The following WDHD1 variants were observed in gnomAD, a reference collection of about 807,000 sequenced individuals.
WDHD1 encodes the protein WD repeat and HMG-box DNA-binding protein 1.
WDHD1 carries 111 observed loss-of-function variants against 135.4 expected under a neutral mutation model. The observed-to-expected ratio is 0.82, with a 90% confidence interval of 0.70 to 0.96. WDHD1 has a LOEUF of 0.96. WDHD1 is among the 40% of genes least tolerant of loss of function. WDHD1 has a pLI of 0.00. For synonymous variants in WDHD1, 434 were observed against 439.0 expected, an observed-to-expected ratio of 0.99 and a Z score of 0.14; for missense variants, 1,351 against 1,336.3, an observed-to-expected ratio of 1.01 and a Z score of -0.17.
intron 2 of WDHD1, among the ~76,000 whole-genome samples, chr14:55,023,896 G>T (rs191963600): frequency 7.9e-5 from 12 of 152,250 alleles, no homozygotes; most frequent in Admixed American, 2.0e-4. Context: ...GGATGGTCTG[G>T]AAATGTTTGA....
At position 55,020,849 on chromosome 14, in the gene WDHD1, G is replaced by C. The variant is rs140881679; in HGVS notation, c.77+5862C>G. On this transcript the variant is annotated intron_variant, in intron 2 of 25. Coordinates refer to ENST00000360586, the MANE Select transcript of WDHD1 (RefSeq NM_007086.4). The stretch of plus-strand genomic sequence containing the variant: ...ATATTTTGTCTATGTATTATATACT[G>C]TATCTGTACAATACAGCAATATAGA... Among the ~76,000 whole-genome samples, 18 of 152,196 alleles carry C rather than the reference G, an allele frequency of 1.2e-4. No individual in the cohort carries two copies. In the East Asian group the frequency reaches 3.3e-3, roughly 28 times the overall value.
In WDHD1 at chr14:54,939,960, T is replaced by C. The variant is rs559403395; in HGVS notation, c.*1530A>G. ...ACATGTCTACAAACATGCTTTCCAA[T>C]GTACTATAAATAAACCTTTACTTAA... is the stretch of plus-strand genomic sequence containing the variant. On this transcript the variant is annotated 3_prime_UTR_variant, in exon 26 of 26. Transcript: ENST00000360586. 1.3e-5 allele frequency: 2 copies of C among 152,338 alleles called. No individual in the cohort carries two copies. The highest frequency in any genetic ancestry group is 4.8e-5 in the African/African-American group (2 of 41,586). The allele number at this position is 152,338 out of a possible 1,614,324, so 9.4% of individuals were successfully genotyped here.
At chr14:54,994,760 C>CA (rs371199804) in intron 11 of WDHD1, among the ~76,000 whole-genome samples, 17,535 of 110,444 alleles carry the variant, frequency 0.16, 1,142 homozygotes, top group African/African-American at 0.2. Flanking sequence ...GACTCCGCCT[C>CA]AAAAAAAAAA....
chr14:54,952,275 A>C (rs924666053), intron 24 of WDHD1, among the ~76,000 whole-genome samples: 1 of 152,234 alleles, frequency 6.6e-6, no homozygotes, highest in Non-Finnish European at 1.5e-5. Flanking sequence ...CCTTAAGCTG[A>C]TAGGGAACTT....
chr14:54,972,984 G>C (rs1347066419), intron 16 of WDHD1, among the ~76,000 whole-genome samples: 5 of 152,160 alleles, frequency 3.3e-5, no homozygotes, highest in Non-Finnish European at 7.4e-5. Flanking sequence ...CGCCCATCAT[G>C]AGTAGTGCTC....
chr14:55,005,916 G>A (rs1452748198), intron 7 of WDHD1, among the ~76,000 whole-genome samples: 2 of 152,036 alleles, frequency 1.3e-5, no homozygotes, highest in African/African-American at 4.8e-5. Context: ...CTAGGCTGGA[G>A]TACAGTGACA....
chr14:54,982,969 A>T (rs1489686283), intron 15 of WDHD1, among the ~76,000 whole-genome samples: 2 of 152,124 alleles, frequency 1.3e-5, no homozygotes, highest in African/African-American at 2.4e-5. Context: ...GTTCAAAACC[A>T]GCCTAGCCAA....
intron 18 of WDHD1, among the ~76,000 whole-genome samples, chr14:54,966,164 TAAAA>T (rs34071862): frequency 3.0e-5 from 2 of 67,186 alleles, no homozygotes; most frequent in East Asian, 8.5e-4. Flanking sequence ...CCATCTCTAC[TAAAA>T]AAAAAAAAAA....
rs374851903 is a variant in WDHD1 at position 54,995,756 on chromosome 14, T to A, written c.1000A>T (p.Asn334Tyr). 1 of 1,613,228 alleles carries A rather than the reference T, an allele frequency of 6.2e-7. No homozygotes were observed. Among genetic ancestry groups the A allele is most frequent in the Admixed American group, 1.7e-5 (1 of 59,830 alleles). ...TTGTCATTTAGAAAATCACCAGCAT[T>A]ACTCATATCATCTCCATCAAAAAGA... ...NDLFDGDDMS[N>Y]AGDFLNDNAV... is the part of the protein sequence containing the mutation. The change falls in exon 11 of 26, where the codon AAT becomes TAT. Residue 334 changes from asparagine (N) to tyrosine (Y), a missense_variant. Coordinates refer to ENST00000360586, the MANE Select transcript of WDHD1 (RefSeq NM_007086.4).
At chr14:55,025,697 A>G (rs985767773) in intron 2 of WDHD1, among the ~76,000 whole-genome samples, 2 of 152,260 alleles carry the variant, frequency 1.3e-5, no homozygotes, top group African/African-American at 4.8e-5. Flanking sequence ...TAGGACATCC[A>G]TTGCCTAACT....
intron 16 of WDHD1, among the ~76,000 whole-genome samples, chr14:54,970,259 T>C (rs914680151): frequency 6.6e-6 from 1 of 152,164 alleles, no homozygotes; most frequent in African/African-American, 2.4e-5. Flanking sequence ...CTGACTATAT[T>C]ACTCTATACA....
chr14:54,994,312 G>C (rs1452874401), intron 11 of WDHD1, among the ~76,000 whole-genome samples: 2 of 151,900 alleles, frequency 1.3e-5, no homozygotes, highest in African/African-American at 2.4e-5. Context: ...TAAATTTATG[G>C]GCACAAAGTT....
intron 7 of WDHD1, chr14:55,004,821 A>C (rs1157210663): frequency 6.2e-6 from 3 of 485,358 alleles, no homozygotes; most frequent in Non-Finnish European, 1.2e-5. Context: ...GCTTAAGATC[A>C]CTCAGTGGTT....
chr14:54,946,416 T>C (rs931357769), intron 24 of WDHD1, among the ~76,000 whole-genome samples: 2 of 152,236 alleles, frequency 1.3e-5, no homozygotes, highest in African/African-American at 4.8e-5. Flanking sequence ...ATAGTGGTAA[T>C]TCCTTAAAAT....
intron 2 of WDHD1, among the ~76,000 whole-genome samples, chr14:55,021,403 G>A (rs938173142): frequency 5.4e-5 from 8 of 149,486 alleles, no homozygotes; most frequent in Non-Finnish European, 1.0e-4. Flanking sequence ...GTCTATTAGC[G>A]TTCCTTTTTT....
At chr14:54,977,440 C>T (rs1006181763) in intron 16 of WDHD1, among the ~76,000 whole-genome samples, 12 of 152,086 alleles carry the variant, frequency 7.9e-5, no homozygotes, top group Non-Finnish European at 1.6e-4. Context: ...TGTTATCATG[C>T]CTGTAATCCC....
intron 21 of WDHD1, among the ~76,000 whole-genome samples, chr14:54,958,783 T>C (rs572359140): frequency 6.6e-6 from 1 of 152,310 alleles, no homozygotes; most frequent in African/African-American, 2.4e-5. Flanking sequence ...ATGTTGGAGA[T>C]TCCCTAGGCT....
intron 16 of WDHD1, 45 bp downstream of exon 16, chr14:54,981,495 T>G (rs758037928): frequency 5.1e-6 from 8 of 1,579,728 alleles, no homozygotes; most frequent in East Asian, 2.3e-5. Context: ...AATTTCAACA[T>G]ACTTTTTAAA....
rs754450603 is a variant in WDHD1, at chr14:54,960,260, C to T, written c.2701+2238G>A. 1.6e-4 allele frequency among the ~76,000 whole-genome samples: 25 copies of T among 151,940 alleles called. No homozygotes were observed. In the East Asian group the frequency reaches 2.1e-3, roughly 13 times the overall value. ...TCACCTCACTGCAAGCTCTGCCTCC[C>T]GGGTTCACGCCATTCTCCTGCCTCA... On this transcript the variant is annotated intron_variant, in intron 21 of 25. Coordinates refer to ENST00000360586, the MANE Select transcript of WDHD1 (RefSeq NM_007086.4).
Sources: allele counts gnomAD v4.1 joint callset (sites outside exome capture counted in the v4.1 genomes callset), GRCh38; gene constraint gnomAD v4.1.1; transcripts MANE v1.5; gene names NCBI Gene and HGNC (gene_info 2026-07-23, HGNC 2026-07-21).